DOCK7: variants seen among roughly 807,000 people sequenced by gnomAD.
The protein encoded by DOCK7 is dedicator of cytokinesis protein 7.
Under a neutral mutation model 271.0 loss-of-function variants are expected in DOCK7, and 138 were observed. That is an observed-to-expected ratio of 0.51 (90% CI 0.44 to 0.59). DOCK7 has a LOEUF of 0.59. Ranked by LOEUF, DOCK7 falls within the 20% of genes least tolerant of loss-of-function variation. DOCK7 has a pLI of 0.00. For missense variants in DOCK7, 2,066 were observed against 2,592.4 expected (o/e 0.80, Z 4.41); for synonymous variants, 823 against 876.1 (o/e 0.94, Z 1.07).
rs796388450 is a variant in DOCK7, at chr1:62,688,322, C to A, written c.-58G>T. 6.2e-6 allele frequency: 7 copies of A among 1,126,796 alleles called. No homozygotes were observed. In the East Asian group the frequency reaches 2.0e-4, roughly 32 times the overall value. The allele number at this position is 1,126,796 out of a possible 1,614,324, so 69.8% of individuals were successfully genotyped here. A position where few individuals can be genotyped will look rare whatever the true frequency, so the allele number is the denominator to read the frequency against. On this transcript the variant is annotated 5_prime_UTR_variant, in exon 1 of 50. Transcript: ENST00000635253. ...CTGCGGCGGGCCGGGTGCGGACCGGCGGGCGCGTGCCTCCTCGCTCGTGCT... is the reference window on the plus strand; with the variant it reads ...CTGCGGCGGGCCGGGTGCGGACCGGAGGGCGCGTGCCTCCTCGCTCGTGCT...
chr1:62,491,324 C>G (rs1646458766), intron 41 of DOCK7, among the ~76,000 whole-genome samples: 1 of 152,188 alleles, frequency 6.6e-6, no homozygotes, highest in South Asian at 2.1e-4. Flanking sequence ...TCTCTCTTAC[C>G]CTAACATGAA....
At chr1:62,455,721 C>G (rs963132127) in intron 49 of DOCK7, among the ~76,000 whole-genome samples, 1 of 152,098 alleles carries the variant, frequency 6.6e-6, no homozygotes, top group East Asian at 1.9e-4. Flanking sequence ...ATAAACAAGA[C>G]AAGGACTTAA....
chr1:62,683,922 A>G (rs756263841), intron 1 of DOCK7, among the ~76,000 whole-genome samples: 16 of 151,754 alleles, frequency 1.1e-4, no homozygotes, highest in Non-Finnish European at 1.6e-4. Context: ...GCGAGACCCT[A>G]TCTCAAGAAA....
intron 18 of DOCK7, among the ~76,000 whole-genome samples, chr1:62,572,687 A>G (rs991254228): frequency 1.3e-5 from 2 of 152,150 alleles, no homozygotes; most frequent in African/African-American, 2.4e-5. Flanking sequence ...CACTAATCCA[A>G]TTATGAAGGC....
chr1:62,464,714 C>A lies in DOCK7; in HGVS notation c.6213-7009G>T, dbSNP rs539852445. 3.4e-3 allele frequency among the ~76,000 whole-genome samples: 488 copies of A among 142,942 alleles called. 1 individual carries two copies. Among genetic ancestry groups the A allele is most frequent in the Non-Finnish European group, 5.0e-3 (322 of 64,902 alleles). 93.8% of individuals were successfully genotyped at this position (142,942 alleles called of 152,430 possible). Reference sequence around the variant, plus strand: ...CAAAAACAAAAACAAACAGACTGACCAAAAAAAAAAATCCTATTTAAATGC... The same window carrying A: ...CAAAAACAAAAACAAACAGACTGACAAAAAAAAAAAATCCTATTTAAATGC... On this transcript the variant is annotated intron_variant, in intron 48 of 49. Transcript: ENST00000635253.
chr1:62,594,805 T>C (rs1259465160), intron 14 of DOCK7, among the ~76,000 whole-genome samples: 2 of 152,172 alleles, frequency 1.3e-5, no homozygotes, highest in African/African-American at 4.8e-5. Context: ...CAACAGCTTA[T>C]AGTGTAATAG....
At chr1:62,684,781 A>G (rs776557568) in intron 1 of DOCK7, among the ~76,000 whole-genome samples, 1 of 152,202 alleles carries the variant, frequency 6.6e-6, no homozygotes, top group Non-Finnish European at 1.5e-5. Flanking sequence ...CAAGATATAC[A>G]TGCTGCTTTT....
chr1:62,469,997 C>A (rs1645785581), intron 48 of DOCK7, among the ~76,000 whole-genome samples: 1 of 151,530 alleles, frequency 6.6e-6, no homozygotes, highest in Non-Finnish European at 1.5e-5. Context: ...AGTACAACCA[C>A]TATGGAAAAC....
At chr1:62,651,958 C>T (rs976525520) in intron 4 of DOCK7, among the ~76,000 whole-genome samples, 6 of 152,154 alleles carry the variant, frequency 3.9e-5, no homozygotes, top group South Asian at 2.1e-4. Flanking sequence ...GGGCAGATCA[C>T]GCCACCAAGC....
At chr1:62,615,865 T>G (rs1652373210) in intron 14 of DOCK7, among the ~76,000 whole-genome samples, 1 of 151,778 alleles carries the variant, frequency 6.6e-6, no homozygotes, top group African/African-American at 2.4e-5. Flanking sequence ...AACATCATTC[T>G]CAAATTAATA....
intron 48 of DOCK7, 79 bp from the exon 49 acceptor site, chr1:62,457,784 T>C (rs927130584): frequency 3.1e-5 from 40 of 1,300,098 alleles, no homozygotes; most frequent in Non-Finnish European, 4.0e-5. Context: ...GCAAAATACA[T>C]ATACATATAT....
Position 62,513,622 on chromosome 1 carries a change from T to C in DOCK7, c.4120-16A>G. The C allele has an allele frequency of 6.2e-7, 1 of 1,609,250 alleles. No homozygotes were observed. The highest frequency in any genetic ancestry group is 1.1e-5 in the South Asian group (1 of 89,956). ...CTTTTTTCCCCTAAAATGTAAACAT[T>C]AGAAGAGAAGAGGTATTGAGGAAAT... On this transcript the variant is annotated splice_polypyrimidine_tract_variant and intron_variant, in intron 32 of 49. Transcript: ENST00000635253.
chr1:62,626,896 A>C (rs537984461), intron 11 of DOCK7, among the ~76,000 whole-genome samples: 15 of 152,296 alleles, frequency 9.8e-5, no homozygotes, highest in Admixed American at 8.5e-4. Flanking sequence ...CTATGAGGCC[A>C]GTATTACCCT....
intron 14 of DOCK7, among the ~76,000 whole-genome samples, chr1:62,592,852 C>A (rs1348502271): frequency 6.6e-6 from 1 of 152,070 alleles, no homozygotes. Context: ...GACAATCTGA[C>A]AAAAGCAATC....
chr1:62,581,749 GA>G (rs994134466), intron 16 of DOCK7, among the ~76,000 whole-genome samples: 24 of 143,050 alleles, frequency 1.7e-4, no homozygotes, highest in South Asian at 2.2e-4. Context: ...GAATACTACA[GA>G]AAAAAAAAAG....
chr1:62,562,233 C>CTTTTTTTTTTTTTTTTTTTTTTTTTTTT (rs59893499), intron 18 of DOCK7, among the ~76,000 whole-genome samples: 1 of 121,214 alleles, frequency 8.2e-6, no homozygotes, highest in Non-Finnish European at 1.7e-5. Context: ...GATCCAAAAA[C>CTTTTTTTTTTTTTTTTTTTTTTTTTTTT]TTTTTTTTTT....
chr1:62,606,486 G>A (rs1472463695), intron 14 of DOCK7, among the ~76,000 whole-genome samples: 2 of 151,980 alleles, frequency 1.3e-5, no homozygotes, highest in Non-Finnish European at 2.9e-5. Flanking sequence ...TAACTACTTT[G>A]CTTAAAGTGC....
intron 7 of DOCK7, among the ~76,000 whole-genome samples, chr1:62,642,474 C>G (rs906817292): frequency 6.6e-6 from 1 of 152,160 alleles, no homozygotes; most frequent in African/African-American, 2.4e-5. Flanking sequence ...GTTCCACTTT[C>G]AAGCCAGTTT....
Position 62,668,519 on chromosome 1 carries a change from G to A in DOCK7, c.39-5389C>T, listed in dbSNP as rs192346909. On this transcript the variant is annotated intron_variant, in intron 1 of 49. Transcript: ENST00000635253. Reference sequence around the variant, plus strand: ...AGGGTTTTTTTAAAATGTTTTTACTGTGTGGAAAGCAGCATATAGTAAAAT... The same window carrying A: ...AGGGTTTTTTTAAAATGTTTTTACTATGTGGAAAGCAGCATATAGTAAAAT... 9.2e-5 allele frequency among the ~76,000 whole-genome samples: 14 copies of A among 152,292 alleles called. No homozygotes were observed. The East Asian group carries it at 2.1e-3, about 23-fold the overall frequency.
Sources: allele counts gnomAD v4.1 joint callset (sites outside exome capture counted in the v4.1 genomes callset), GRCh38; gene constraint gnomAD v4.1.1; transcripts MANE v1.5; gene names NCBI Gene and HGNC (gene_info 2026-07-23, HGNC 2026-07-21).